The following RAB22A variants were observed in gnomAD, a reference collection of about 807,000 sequenced individuals.
The protein encoded by RAB22A is ras-related protein Rab-22A.
A neutral mutation model predicts 30.2 loss-of-function variants in RAB22A; 13 were observed. The ratio of observed to expected loss-of-function variants is 0.43; its 90% CI spans 0.28 to 0.68. RAB22A has a LOEUF of 0.68. RAB22A is among the 30% of genes least tolerant of loss of function. The pLI, the probability that RAB22A is intolerant of heterozygous loss-of-function variation, is 0.18. For missense variants in RAB22A, 177 were observed against 246.8 expected (o/e 0.72, Z 1.89); for synonymous variants, 89 against 87.2 (o/e 1.02, Z -0.11).
intron 3 of RAB22A, among the ~76,000 whole-genome samples, chr20:58,347,416 A>G (rs111928875): frequency 0.022 from 3,424 of 152,346 alleles, 63 homozygotes; most frequent in Non-Finnish European, 0.037. Context: ...GCTTCAGAAG[A>G]TAATGGTTTG....
intron 2 of RAB22A, among the ~76,000 whole-genome samples, chr20:58,313,203 A>G (rs1035955338): frequency 3.9e-5 from 6 of 152,280 alleles, no homozygotes; most frequent in African/African-American, 1.4e-4. Context: ...AGTAGCTCCC[A>G]ATCTGCCAGA....
In RAB22A at chr20:58,359,635, C is replaced by T. The variant is rs777438525; in HGVS notation, c.517C>T (p.Leu173=). 6.2e-6 allele frequency: 10 copies of T among 1,612,192 alleles called. No individual in the cohort carries two copies. The highest frequency in any genetic ancestry group is 8.5e-6 in the Non-Finnish European group (10 of 1,178,650). The change falls in exon 7 of 7, where the codon CTG becomes TTG. Residue 173 remains leucine (L), a synonymous_variant. Transcript: ENST00000244040. ...SRRIPSTDAN[L]PSGGKGFKLR... is the part of the protein sequence containing the mutation. ...AAGAATTCCATCCACTGACGCCAAC[C>T]TGCCATCTGGCGGTAAGGGCTTCAA...
Position 58,353,488 on chromosome 20 carries a change from T to C in RAB22A, c.327T>C (p.Pro109=), listed in dbSNP as rs147062590. ...AAGAGCTTCGACAGCATGGCCCACC[T>C]AATATTGTAGTTGCCATTGCAGGAA... ...WVKELRQHGP[P]NIVVAIAGNK... The change falls in exon 5 of 7, where the codon CCT becomes CCC. Residue 109 remains proline (P), a synonymous_variant. Transcript: ENST00000244040. 2.5e-6 allele frequency: 4 copies of C among 1,613,342 alleles called. No individual in the cohort carries two copies. The Admixed American group carries it at 5.0e-5, about 20-fold the overall frequency.
intron 2 of RAB22A, among the ~76,000 whole-genome samples, chr20:58,337,942 A>T (rs748051117): frequency 2.1e-4 from 32 of 152,186 alleles, no homozygotes; most frequent in Admixed American, 9.8e-4. Flanking sequence ...TTTGTTTTTG[A>T]TGTGAAATGG....
chr20:58,340,444 G>A (rs533467457), intron 2 of RAB22A, among the ~76,000 whole-genome samples: 3 of 152,196 alleles, frequency 2.0e-5, no homozygotes, highest in East Asian at 3.9e-4. Context: ...TAATCTCAAC[G>A]TTTTACCTGC....
chr20:58,312,051 G>C (rs533174206), intron 2 of RAB22A, among the ~76,000 whole-genome samples: 1 of 152,098 alleles, frequency 6.6e-6, no homozygotes, highest in Non-Finnish European at 1.5e-5. Context: ...TGCCTCCCGG[G>C]TTCAAGCGAT....
At chr20:58,340,747 G>C (rs1471671398) in intron 2 of RAB22A, among the ~76,000 whole-genome samples, 1 of 152,180 alleles carries the variant, frequency 6.6e-6, no homozygotes, top group African/African-American at 2.4e-5. Flanking sequence ...TGTTGTGAAA[G>C]CTGCTCTAAA....
At chr20:58,354,426 A>G (rs1002009256) in intron 6 of RAB22A, among the ~76,000 whole-genome samples, 161 bp downstream of exon 6, 3 of 152,230 alleles carry the variant, frequency 2.0e-5, no homozygotes, top group Admixed American at 2.0e-4. Flanking sequence ...CAGTTTTCAT[A>G]TCATGTTATA....
At position 58,366,057 on chromosome 20, in the gene RAB22A, C is replaced by T. The variant is rs1040247967; in HGVS notation, c.*6354C>T. The stretch of plus-strand genomic sequence containing the variant: ...GCAGTTCAGTCTTTCCATCATTTCA[C>T]TTTGTGAGTCACTCACATAATTGTC... On this transcript the variant is annotated 3_prime_UTR_variant, in exon 7 of 7. Transcript: ENST00000244040. The T allele has an allele frequency of 6.6e-6, 1 of 152,102 alleles. No individual in the cohort carries two copies. The highest frequency in any genetic ancestry group is 1.5e-5 in the Non-Finnish European group (1 of 68,038). 9.4% of individuals were successfully genotyped at this position (152,102 alleles called of 1,614,324 possible).
In RAB22A at chr20:58,358,412, G is replaced by A. The variant is rs187997858; in HGVS notation, c.488-1194G>A. ...TGTGTCAGACAAATACCCAGGAGTA[G>A]AATACCGTGACCTAGCTCTTCCACT... is the stretch of plus-strand genomic sequence containing the variant. On this transcript the variant is annotated intron_variant, in intron 6 of 6. Transcript: ENST00000244040. 3.9e-5 allele frequency among the ~76,000 whole-genome samples: 6 copies of A among 152,330 alleles called. No individual in the cohort carries two copies. The East Asian group carries it at 1.2e-3, about 29-fold the overall frequency.
rs1987195685 is a variant in RAB22A at position 58,359,836 on chromosome 20, T to C, written c.*133T>C. On this transcript the variant is annotated 3_prime_UTR_variant, in exon 7 of 7. Transcript: ENST00000244040. Reference sequence around the variant, plus strand: ...TCCGTGCAAAAAGGATTCACAGAAATGGACCAGTTCTGTTCTCCAAAGACT... The same window carrying C: ...TCCGTGCAAAAAGGATTCACAGAAACGGACCAGTTCTGTTCTCCAAAGACT... 1 of 688,620 alleles carries C rather than the reference T, an allele frequency of 1.5e-6. No homozygotes were observed. The highest frequency in any genetic ancestry group is 2.4e-6 in the Non-Finnish European group (1 of 419,886). The allele number at this position is 688,620 out of a possible 1,614,324, so 42.7% of individuals were successfully genotyped here.
intron 5 of RAB22A, among the ~76,000 whole-genome samples, chr20:58,353,935 A>C (rs1987093985): frequency 6.6e-6 from 1 of 152,164 alleles, no homozygotes; most frequent in South Asian, 2.1e-4. Flanking sequence ...TGCCATCCCT[A>C]ATCATTCCAT....
intron 2 of RAB22A, among the ~76,000 whole-genome samples, chr20:58,315,566 G>GC (rs1568863501): frequency 6.6e-6 from 1 of 151,586 alleles, no homozygotes; most frequent in African/African-American, 2.4e-5. Flanking sequence ...TGGGGCGGGG[G>GC]GTCATAGCCC....
chr20:58,351,364 A>G (rs914383017), intron 3 of RAB22A, among the ~76,000 whole-genome samples: 1 of 152,112 alleles, frequency 6.6e-6, no homozygotes, highest in Admixed American at 6.6e-5. Context: ...TGTGCAGTAT[A>G]TATTATAGTT....
intron 2 of RAB22A, among the ~76,000 whole-genome samples, chr20:58,326,532 CTT>C (rs34523768): frequency 0.052 from 7,941 of 152,168 alleles, 234 homozygotes; most frequent in Middle Eastern, 0.088. Flanking sequence ...GTGATATTCT[CTT>C]ATATGGATAG....
chr20:58,341,798 G>A (rs748758682), intron 2 of RAB22A, among the ~76,000 whole-genome samples: 1 of 152,116 alleles, frequency 6.6e-6, no homozygotes, highest in Non-Finnish European at 1.5e-5. Context: ...CATAATTATT[G>A]TGTATACCTT....
At chr20:58,318,233 T>C (rs558529956) in intron 2 of RAB22A, among the ~76,000 whole-genome samples, 4 of 152,374 alleles carry the variant, frequency 2.6e-5, no homozygotes, top group African/African-American at 9.6e-5. Flanking sequence ...AATGTGTATA[T>C]GGTTTTTAAA....
At chr20:58,357,911 A>G (rs1436814589) in intron 6 of RAB22A, among the ~76,000 whole-genome samples, 16 of 152,250 alleles carry the variant, frequency 1.1e-4, no homozygotes, top group Admixed American at 1.0e-3. Context: ...GTACATGTCC[A>G]TTTATTCCAT....
chr20:58,335,560 G>A (rs1405632931), intron 2 of RAB22A, among the ~76,000 whole-genome samples: 1 of 152,132 alleles, frequency 6.6e-6, no homozygotes. Flanking sequence ...AAGAGCATAT[G>A]GGGAAACTGT....
Sources: gnomAD v4.1 joint callset for allele counts (sites outside exome capture counted in the v4.1 genomes callset) on GRCh38, gnomAD v4.1.1 for gene constraint, MANE v1.5 for transcripts, NCBI Gene and HGNC (gene_info 2026-07-23, HGNC 2026-07-21) for gene names.